Variants in BTBD8 observed in about 807,000 individuals in gnomAD.
The protein encoded by BTBD8 is BTB/POZ domain-containing protein 8.
In BTBD8, 110 loss-of-function variants were observed where a neutral mutation model predicts 162.9. The observed-to-expected ratio is 0.68, with a 90% CI of 0.58 to 0.79. BTBD8 has a LOEUF of 0.79. BTBD8 is among the 30% of genes least tolerant of loss of function. The probability of loss-of-function intolerance (pLI) is 0.00; values close to 1 mark genes in which losing one functional copy is unlikely to be tolerated. For missense variants in BTBD8, 1,905 were observed against 2,085.4 expected, an observed-to-expected ratio of 0.91 and a Z score of 1.68; for synonymous variants, 667 against 716.1, an observed-to-expected ratio of 0.93 and a Z score of 1.10.
intron 3 of BTBD8, among the ~76,000 whole-genome samples, chr1:92,104,729 C>T (rs991495151): frequency 2.6e-5 from 4 of 152,138 alleles, no homozygotes; most frequent in African/African-American, 7.2e-5. Context: ...AACCTTTTTG[C>T]AGCCTTTCAT....
chr1:92,083,074 T>G (rs1402866518), intron 1 of BTBD8, among the ~76,000 whole-genome samples: 2 of 151,142 alleles, frequency 1.3e-5, no homozygotes, highest in East Asian at 1.9e-4. Context: ...AGGTGGAGAT[T>G]GCAGTGAGCT....
intron 4 of BTBD8, among the ~76,000 whole-genome samples, chr1:92,117,247 G>T (rs902107196): frequency 7.2e-5 from 11 of 151,752 alleles, no homozygotes; most frequent in Non-Finnish European, 1.0e-4. Flanking sequence ...ACATTTTGCT[G>T]CTGCTTCACA....
rs145563009 is a variant in BTBD8, at chr1:92,168,221, G to A, written c.1443+236G>A. On this transcript the variant is annotated intron_variant, in intron 11 of 17. Transcript: ENST00000636805. ...GTTTAGAAATTGGCAGTTTGGCTGG[G>A]TAATTTTAAATTTAGTGTGATATTT... Among the ~76,000 whole-genome samples the A allele has an allele frequency of 1.7e-3, 264 of 152,130 alleles. 3 individuals carry two copies. The highest frequency in any genetic ancestry group is 5.8e-3 in the African/African-American group (241 of 41,488).
chr1:92,146,031 T>C (rs914272483), intron 7 of BTBD8, among the ~76,000 whole-genome samples: 10 of 152,108 alleles, frequency 6.6e-5, no homozygotes, highest in African/African-American at 2.4e-4. Flanking sequence ...ATTCTTCTTA[T>C]CTGAGATCAA....
chr1:92,150,654 C>A (rs1249161856), intron 9 of BTBD8: 2 of 152,200 alleles, frequency 1.3e-5, no homozygotes, highest in African/African-American at 4.8e-5. Context: ...AAGGTTGGAA[C>A]CAACCCTGGA....
rs1651021363 is a variant in BTBD8, at chr1:92,184,320, C to T, written c.5369C>T (p.Thr1790Ile). Residue 1790 changes from threonine to isoleucine, a missense_variant, in exon 18 of 18, where the codon ACT (threonine) becomes ATT (isoleucine). Physicochemically the swap from Thr to Ile is moderately conservative, Grantham distance 89 (BLOSUM62 -1). This residue lies in a region of BTBD8 where 517 missense variants were observed against 606.6 expected (regional missense o/e 0.85). Transcript: ENST00000636805. ...GAGTGGACAATTCTGGAACTGGAAA[C>T]TCAGCATTAAGTGTTAACATTTTGG... ...QGEWTILELE[T>I]QH The T allele has an allele frequency of 1.3e-6, 2 of 1,547,316 alleles. No homozygotes were observed. The highest frequency in any genetic ancestry group is 8.7e-7 in the Non-Finnish European group (1 of 1,144,492).
In BTBD8 at chr1:92,134,633, C is replaced by G. The variant is rs1316038206; in HGVS notation, c.753-4717C>G. ...CTCTTATATAATCCTATTCTGTTGT[C>G]TTCATGGCACTTTGACTATCAAAAT... On this transcript the variant is annotated intron_variant, in intron 5 of 17. Coordinates refer to ENST00000636805, the MANE Select transcript of BTBD8 (RefSeq NM_001376131.1). 3.9e-5 allele frequency among the ~76,000 whole-genome samples: 6 copies of G among 152,290 alleles called. No individual in the cohort carries two copies. The East Asian group carries it at 9.6e-4, about 24-fold the overall frequency.
intron 9 of BTBD8, among the ~76,000 whole-genome samples, chr1:92,160,852 A>G (rs898459406): frequency 6.6e-6 from 1 of 152,066 alleles, no homozygotes; most frequent in African/African-American, 2.4e-5. Flanking sequence ...GTGACTACCA[A>G]CCCAAATCAC....
chr1:92,149,610 T>C (rs1649999881), intron 9 of BTBD8, among the ~76,000 whole-genome samples: 1 of 152,220 alleles, frequency 6.6e-6, no homozygotes, highest in African/African-American at 2.4e-5. Context: ...GAGACAATTT[T>C]GTGTGAAATT....
At chr1:92,085,427 A>G (rs1648131634) in intron 1 of BTBD8, among the ~76,000 whole-genome samples, 1 of 152,168 alleles carries the variant, frequency 6.6e-6, no homozygotes, top group African/African-American at 2.4e-5. Context: ...CCCCATCTCT[A>G]CTAAAAATAC....
chr1:92,144,477 G>T (rs538985053), intron 7 of BTBD8, among the ~76,000 whole-genome samples: 7 of 133,492 alleles, frequency 5.2e-5, no homozygotes, highest in Non-Finnish European at 1.1e-4. Context: ...TAGGATTTTG[G>T]TAGGCTTTAC....
intron 9 of BTBD8, among the ~76,000 whole-genome samples, chr1:92,155,762 G>C (rs1223668729): frequency 6.6e-6 from 1 of 152,134 alleles, no homozygotes; most frequent in African/African-American, 2.4e-5. Context: ...TAGTTGAAAT[G>C]CAACTGATTA....
chr1:92,136,213 C>G (rs1229004011), intron 5 of BTBD8, among the ~76,000 whole-genome samples: 3 of 152,096 alleles, frequency 2.0e-5, no homozygotes, highest in African/African-American at 7.2e-5. Context: ...TGTAAGTGCC[C>G]TAATAAGCCA....
At chr1:92,170,990 TA>T (rs1177609000) in intron 12 of BTBD8, among the ~76,000 whole-genome samples, 1 of 152,004 alleles carries the variant, frequency 6.6e-6, no homozygotes, top group South Asian at 2.1e-4. Context: ...ACATTTAGTA[TA>T]AACATTTTCT....
chr1:92,159,719 A>G (rs1446937914), intron 9 of BTBD8, among the ~76,000 whole-genome samples: 1 of 152,170 alleles, frequency 6.6e-6, no homozygotes, highest in Admixed American at 6.5e-5. Context: ...CTTTGAATAT[A>G]TCATTGCACT....
chr1:92,121,965 T>G (rs943166426), intron 4 of BTBD8, among the ~76,000 whole-genome samples: 1 of 151,884 alleles, frequency 6.6e-6, no homozygotes, highest in African/African-American at 2.4e-5. Flanking sequence ...ACTACTACTC[T>G]TGGTTTGCCT....
At chr1:92,085,958 A>G (rs533180404) in intron 1 of BTBD8, among the ~76,000 whole-genome samples, 1 of 152,196 alleles carries the variant, frequency 6.6e-6, no homozygotes, top group Non-Finnish European at 1.5e-5. Flanking sequence ...CTGGAAGCCC[A>G]CGCTGTTTAT....
chr1:92,080,364 G>C lies in BTBD8; in HGVS notation c.-208G>C. ...CACGCTCTTCCTGGGTCAAGAGCCGGCTCGGTTCTGGGATTCTGAGGCTCC... is the reference window on the plus strand; with the variant it reads ...CACGCTCTTCCTGGGTCAAGAGCCGCCTCGGTTCTGGGATTCTGAGGCTCC... On this transcript the variant is annotated 5_prime_UTR_variant, in exon 1 of 18. Transcript: ENST00000636805. The C allele has an allele frequency of 1.5e-6, 1 of 655,898 alleles. No homozygotes were observed. The highest frequency in any genetic ancestry group is 3.6e-5 in the Admixed American group (1 of 27,842). 40.6% of individuals were successfully genotyped at this position (655,898 alleles called of 1,614,324 possible).
chr1:92,166,868 C>G lies in BTBD8; in HGVS notation c.1123-90C>G, dbSNP rs139071044. 1.5e-4 allele frequency: 197 copies of G among 1,313,834 alleles called. 1 individual carries two copies. The African/African-American group carries it at 2.2e-3, about 15-fold the overall frequency. The allele number at this position is 1,313,834 out of a possible 1,614,324, so 81.4% of individuals were successfully genotyped here. A position where few individuals can be genotyped will look rare whatever the true frequency, so the allele number is the denominator to read the frequency against. ...GGAATTTTGTTTTTGCAGGAAACAT[C>G]CCATAACAACAAAAGTATTTGATTT... On this transcript the variant is annotated intron_variant, in intron 9 of 17. Coordinates refer to ENST00000636805, the MANE Select transcript of BTBD8 (RefSeq NM_001376131.1).
Sources: allele counts gnomAD v4.1 joint callset (sites outside exome capture counted in the v4.1 genomes callset), GRCh38; gene constraint gnomAD v4.1.1; regional missense constraint gnomAD v4.1.1; transcripts MANE v1.5; gene names NCBI Gene and HGNC (gene_info 2026-07-23, HGNC 2026-07-21).